The following CNTNAP2 variants were observed in gnomAD, a reference collection of about 807,000 sequenced individuals.
The protein encoded by CNTNAP2 is contactin-associated protein-like 2.
Under a neutral mutation model 155.2 loss-of-function variants are expected in CNTNAP2, and 98 were observed. The observed-to-expected ratio is 0.63, with a 90% CI of 0.54 to 0.75. CNTNAP2 has a LOEUF of 0.75. CNTNAP2 is among the 30% of genes least tolerant of loss of function. The pLI is 0.00. For missense variants in CNTNAP2, 1,727 were observed against 1,688.1 expected, an observed-to-expected ratio of 1.02 and a Z score of -0.40; for synonymous variants, 651 against 631.2, an observed-to-expected ratio of 1.03 and a Z score of -0.47.
chr7:147,574,040 G>T (rs1227978522), intron 12 of CNTNAP2, among the ~76,000 whole-genome samples: 2 of 152,038 alleles, frequency 1.3e-5, no homozygotes, highest in East Asian at 3.9e-4. Context: ...GGCAACTCAT[G>T]TTCTTACATT....
intron 10 of CNTNAP2, among the ~76,000 whole-genome samples, chr7:147,480,795 G>A (rs1798408419): frequency 6.6e-6 from 1 of 152,118 alleles, no homozygotes; most frequent in East Asian, 1.9e-4. Context: ...AGTGCGATGC[G>A]CTAGAGCCTT....
chr7:148,254,425 A>C (rs979779023), intron 20 of CNTNAP2, among the ~76,000 whole-genome samples: 3 of 152,214 alleles, frequency 2.0e-5, no homozygotes, highest in Admixed American at 6.5e-5. Context: ...CATATTTGTC[A>C]TATCTCCATC....
intron 14 of CNTNAP2, among the ~76,000 whole-genome samples, chr7:147,968,661 G>T (rs962966881): frequency 6.6e-6 from 1 of 152,102 alleles, no homozygotes; most frequent in East Asian, 1.9e-4. Flanking sequence ...TGAACGTAAA[G>T]GAACTGGCAA....
intron 17 of CNTNAP2, among the ~76,000 whole-genome samples, chr7:148,152,883 T>C (rs887945539): frequency 6.6e-6 from 1 of 151,456 alleles, no homozygotes; most frequent in Non-Finnish European, 1.5e-5. Flanking sequence ...TAGCCAGGTG[T>C]AGTGGCAGGC....
chr7:148,308,408 C>T (rs1387351344), intron 21 of CNTNAP2, among the ~76,000 whole-genome samples: 1 of 151,848 alleles, frequency 6.6e-6, no homozygotes, highest in African/African-American at 2.4e-5. Flanking sequence ...ATGATTTGTC[C>T]GTATCCATGG....
intron 12 of CNTNAP2, among the ~76,000 whole-genome samples, chr7:147,567,740 T>C (rs1275067899): frequency 6.6e-6 from 1 of 152,080 alleles, no homozygotes; most frequent in African/African-American, 2.4e-5. Context: ...GGTAAAGTTG[T>C]CCTACAGGCA....
At chr7:146,798,568 A>C (rs1298632093) in intron 2 of CNTNAP2, among the ~76,000 whole-genome samples, 1 of 151,236 alleles carries the variant, frequency 6.6e-6, no homozygotes, top group East Asian at 2.0e-4. Context: ...ATGGTTTTGA[A>C]CTCCTGGGCT....
At chr7:147,296,618 C>T (rs1805451606) in intron 8 of CNTNAP2, among the ~76,000 whole-genome samples, 1 of 152,144 alleles carries the variant, frequency 6.6e-6, no homozygotes. Context: ...GGACTTAAAT[C>T]ATGCCTTTTT....
chr7:148,067,707 C>G (rs565554623), intron 15 of CNTNAP2, among the ~76,000 whole-genome samples: 30 of 152,270 alleles, frequency 2.0e-4, no homozygotes, highest in Admixed American at 1.9e-3. Flanking sequence ...TGGACCATAG[C>G]GCTCCCAAGA....
At chr7:147,643,126 G>GTCTTTAATTTATGGCATGAAGGTT (rs1795311296) in intron 13 of CNTNAP2, among the ~76,000 whole-genome samples, 1 of 152,066 alleles carries the variant, frequency 6.6e-6, no homozygotes, top group Admixed American at 6.5e-5. Context: ...GAGAAACACT[G>GTCTTTAATTTATGGCATGAAGGTT]TCTTTAATTT....
At chr7:148,171,481 C>T (rs1195811709) in intron 17 of CNTNAP2, among the ~76,000 whole-genome samples, 5 of 152,148 alleles carry the variant, frequency 3.3e-5, no homozygotes, top group African/African-American at 9.7e-5. Flanking sequence ...GATAGAATGC[C>T]TCAATGAATC....
chr7:146,223,693 T>A (rs1012142931), intron 1 of CNTNAP2, among the ~76,000 whole-genome samples: 1 of 152,168 alleles, frequency 6.6e-6, no homozygotes, highest in Non-Finnish European at 1.5e-5. Context: ...CTGTCAAGCT[T>A]CCCGCTTTTC....
At chr7:147,757,330 G>A (rs1435353316) in intron 13 of CNTNAP2, among the ~76,000 whole-genome samples, 1 of 152,066 alleles carries the variant, frequency 6.6e-6, no homozygotes, top group Non-Finnish European at 1.5e-5. Flanking sequence ...GCTTTTTTCT[G>A]AATAAGCTGT....
intron 8 of CNTNAP2, among the ~76,000 whole-genome samples, chr7:147,204,341 C>T (rs898026543): frequency 6.6e-6 from 1 of 151,976 alleles, no homozygotes. Flanking sequence ...TTATTTAATA[C>T]ATAATCCTGG....
At chr7:146,970,331 C>A (rs1190407655) in intron 3 of CNTNAP2, among the ~76,000 whole-genome samples, 1 of 151,768 alleles carries the variant, frequency 6.6e-6, no homozygotes, top group African/African-American at 2.4e-5. Context: ...GGCTACTATC[C>A]AGAATCTACA....
At chr7:147,762,852 G>T (rs542226025) in intron 13 of CNTNAP2, among the ~76,000 whole-genome samples, 1 of 152,100 alleles carries the variant, frequency 6.6e-6, no homozygotes, top group East Asian at 1.9e-4. Flanking sequence ...AATTTTTCTA[G>T]TCTGAACCTT....
At chr7:148,111,706 G>A (rs1380707181) in intron 15 of CNTNAP2, among the ~76,000 whole-genome samples, 1 of 152,146 alleles carries the variant, frequency 6.6e-6, no homozygotes, top group Non-Finnish European at 1.5e-5. Context: ...AAAAATGTAG[G>A]TTGCATATAA....
intron 4 of CNTNAP2, among the ~76,000 whole-genome samples, chr7:147,088,534 TAGTC>T (rs1271841641): frequency 6.6e-6 from 1 of 152,168 alleles, no homozygotes; most frequent in African/African-American, 2.4e-5. Flanking sequence ...AAATACATAG[TAGTC>T]AGTCATAAAC....
chr7:148,384,208 C>A (rs1411251414), intron 22 of CNTNAP2, among the ~76,000 whole-genome samples: 1 of 152,142 alleles, frequency 6.6e-6, no homozygotes, highest in African/African-American at 2.4e-5. Flanking sequence ...TCACTTTTGC[C>A]TCTTATGACT....
Sources: gnomAD v4.1 joint callset for allele counts (sites outside exome capture counted in the v4.1 genomes callset) on GRCh38, gnomAD v4.1.1 for gene constraint, MANE v1.5 for transcripts, NCBI Gene and HGNC (gene_info 2026-07-23, HGNC 2026-07-21) for gene names.